SIPA1L1: variants seen among roughly 807,000 people sequenced by gnomAD.
SIPA1L1 encodes signal-induced proliferation-associated 1-like protein 1.
Under a neutral mutation model 162.7 loss-of-function variants are expected in SIPA1L1, and 26 were observed. The observed-to-expected ratio is 0.16, with a 90% CI of 0.12 to 0.22. The LOEUF (loss-of-function observed/expected upper bound fraction) is 0.22. Ranked by LOEUF, SIPA1L1 falls within the 10% of genes least tolerant of loss-of-function variation. The pLI, the probability that SIPA1L1 is intolerant of heterozygous loss-of-function variation, is 1.00. For missense variants in SIPA1L1, 1,874 were observed against 2,241.0 expected, an observed-to-expected ratio of 0.84 and a Z score of 3.31; for synonymous variants, 829 against 837.4, an observed-to-expected ratio of 0.99 and a Z score of 0.17.
At chr14:71,404,145 G>A (rs1266065694) in intron 2 of SIPA1L1, among the ~76,000 whole-genome samples, 1 of 152,112 alleles carries the variant, frequency 6.6e-6, no homozygotes, top group Non-Finnish European at 1.5e-5. Flanking sequence ...TCAACTTTTT[G>A]TAAATTTGCA....
chr14:71,448,945 A>T (rs1005045984), intron 2 of SIPA1L1: 2 of 152,378 alleles, frequency 1.3e-5, no homozygotes, highest in African/African-American at 4.8e-5. Flanking sequence ...GCAACATAGC[A>T]GGACCCCATC....
At chr14:71,528,252 G>A (rs376897046) in intron 3 of SIPA1L1, among the ~76,000 whole-genome samples, 2 of 152,090 alleles carry the variant, frequency 1.3e-5, no homozygotes, top group East Asian at 3.8e-4. Flanking sequence ...TCAAGTTAAG[G>A]AATTTAGAAA....
chr14:71,684,137 G>A (rs1490825459), intron 12 of SIPA1L1, among the ~76,000 whole-genome samples: 1 of 152,212 alleles, frequency 6.6e-6, no homozygotes, highest in Non-Finnish European at 1.5e-5. Flanking sequence ...GGAGACGTGG[G>A]CTATGACTGA....
intron 2 of SIPA1L1, among the ~76,000 whole-genome samples, chr14:71,451,106 A>G (rs549061889): frequency 4.7e-4 from 71 of 152,328 alleles, no homozygotes; most frequent in Non-Finnish European, 8.4e-4. Flanking sequence ...TTACAATAAC[A>G]TGGATGAACC....
At position 71,723,881 on chromosome 14, in the gene SIPA1L1, G is replaced by A. The variant is rs949785317; in HGVS notation, c.4443G>A (p.Thr1481=). ...GTINSVGFMD[T]RKRHQSDGNE... ...TAAACTCCGTGGGATTTATGGACAC[G>A]AGAAAGTAAGAGTTACTTTCCTTCC... Residue 1481 remains threonine (T), a synonymous_variant, in exon 18 of 24, where the codon ACG becomes ACA. Transcript: ENST00000381232. 5.0e-6 allele frequency: 8 copies of A among 1,614,066 alleles called. No homozygotes were observed. Among genetic ancestry groups the A allele is most frequent in the East Asian group, 2.2e-5 (1 of 44,878 alleles).
chr14:71,342,669 C>A (rs2035782502), intron 2 of SIPA1L1, among the ~76,000 whole-genome samples: 1 of 152,072 alleles, frequency 6.6e-6, no homozygotes, highest in African/African-American at 2.4e-5. Flanking sequence ...TATACCTGAA[C>A]TTTTCTATTG....
At chr14:71,497,994 TACATGGTATTGCCAGC>T (rs1475400025) in intron 2 of SIPA1L1, 1 of 152,268 alleles carries the variant, frequency 6.6e-6, no homozygotes, top group Admixed American at 6.5e-5. Context: ...TTCTTGCCAC[TACATGGTATTGCCAGC>T]ATTTTAAATT....
At chr14:71,328,598 A>G (rs902252055) in intron 2 of SIPA1L1, among the ~76,000 whole-genome samples, 10 of 152,180 alleles carry the variant, frequency 6.6e-5, no homozygotes, top group Non-Finnish European at 1.3e-4. Flanking sequence ...TTCATTTTGG[A>G]TGGGTAAAAA....
intron 19 of SIPA1L1, among the ~76,000 whole-genome samples, chr14:71,726,751 CA>C (rs1220485863): frequency 2.0e-5 from 3 of 152,228 alleles, no homozygotes; most frequent in Admixed American, 1.3e-4. Context: ...TCTCCAGTTT[CA>C]TCTTATTTGA....
intron 5 of SIPA1L1, among the ~76,000 whole-genome samples, chr14:71,611,412 T>G (rs924565920): frequency 2.0e-5 from 3 of 148,862 alleles, no homozygotes; most frequent in African/African-American, 7.8e-5. Context: ...AATTTAATGT[T>G]ATGTTATGTT....
chr14:71,474,135 A>G (rs909685043), intron 2 of SIPA1L1, among the ~76,000 whole-genome samples: 1 of 152,250 alleles, frequency 6.6e-6, no homozygotes, highest in Non-Finnish European at 1.5e-5. Flanking sequence ...CACTTGGCTT[A>G]TAAAGATTCC....
At chr14:71,645,517 A>G (rs1398903439) in intron 7 of SIPA1L1, among the ~76,000 whole-genome samples, 1 of 152,232 alleles carries the variant, frequency 6.6e-6, no homozygotes, top group Non-Finnish European at 1.5e-5. Context: ...CAGATGCTTT[A>G]TATATACGCT....
intron 4 of SIPA1L1, chr14:71,586,788 G>GT (rs1288989123): frequency 6.6e-6 from 1 of 152,236 alleles, no homozygotes. Flanking sequence ...ATGGGGTGGA[G>GT]TAGGTTGTAC....
At chr14:71,390,078 A>G (rs1387651667) in intron 2 of SIPA1L1, among the ~76,000 whole-genome samples, 5 of 152,216 alleles carry the variant, frequency 3.3e-5, no homozygotes, top group Non-Finnish European at 7.3e-5. Flanking sequence ...GAAATTTCTT[A>G]TCCAGCATTC....
chr14:71,721,294 G>C (rs1420536280), intron 17 of SIPA1L1, among the ~76,000 whole-genome samples: 1 of 152,158 alleles, frequency 6.6e-6, no homozygotes, highest in East Asian at 1.9e-4. Context: ...TCCCTCTCAG[G>C]AGTCTCTCTC....
At chr14:71,501,947 G>A (rs183677101) in intron 2 of SIPA1L1, among the ~76,000 whole-genome samples, 31 of 151,008 alleles carry the variant, frequency 2.1e-4, no homozygotes, top group African/African-American at 6.6e-4. Flanking sequence ...TCGGGAGGCC[G>A]CGGTGGGAGG....
At chr14:71,619,213 G>A (rs2039159387) in intron 6 of SIPA1L1, among the ~76,000 whole-genome samples, 1 of 152,142 alleles carries the variant, frequency 6.6e-6, no homozygotes, top group African/African-American at 2.4e-5. Flanking sequence ...AGGGCTACTG[G>A]AAAGCGCCAA....
At chr14:71,406,648 G>A (rs1393451405) in intron 2 of SIPA1L1, among the ~76,000 whole-genome samples, 1 of 152,018 alleles carries the variant, frequency 6.6e-6, no homozygotes, top group Non-Finnish European at 1.5e-5. Flanking sequence ...TTATCTAGGA[G>A]TTTACAAAGA....
At chr14:71,362,737 G>T (rs1262111309) in intron 2 of SIPA1L1, among the ~76,000 whole-genome samples, 4 of 151,956 alleles carry the variant, frequency 2.6e-5, no homozygotes, top group Middle Eastern at 3.2e-3. Context: ...ATATCCTGTA[G>T]TGTTGACTGT....
Sources: allele counts gnomAD v4.1 joint callset (sites outside exome capture counted in the v4.1 genomes callset), GRCh38; gene constraint gnomAD v4.1.1; transcripts MANE v1.5; gene names NCBI Gene and HGNC (gene_info 2026-07-23, HGNC 2026-07-21).